TNXB: variants seen among roughly 807,000 people sequenced by gnomAD.
TNXB encodes the protein tenascin XB, also known as tenascin-X.
TNXB carries 183 observed loss-of-function variants against 340.5 expected under a neutral mutation model. That is an observed-to-expected ratio of 0.54 (90% confidence interval 0.48 to 0.61). The LOEUF (loss-of-function observed/expected upper bound fraction) is 0.61. TNXB is among the 20% of genes least tolerant of loss of function. The probability of loss-of-function intolerance (pLI) is 0.00; values close to 1 mark genes in which losing one functional copy is unlikely to be tolerated. For synonymous variants in TNXB, 2,121 were observed against 2,314.5 expected (o/e 0.92, Z 2.40); for missense variants, 4,613 against 5,446.4 (o/e 0.85, Z 4.82).
In TNXB at chr6:32,075,230, C is replaced by T. The variant is rs1022192075; in HGVS notation, c.4376-1278G>A. 6.6e-6 allele frequency among the ~76,000 whole-genome samples: 1 copy of T among 152,208 alleles called. No homozygotes were observed. The highest frequency in any genetic ancestry group is 1.5e-5 in the Non-Finnish European group (1 of 68,038). ...TCTGCAGCCAGAAGGATCCTGTTAACACATTAGCCAGAGCTGGTTCCCGCA... is the reference window on the plus strand; with the variant it reads ...TCTGCAGCCAGAAGGATCCTGTTAATACATTAGCCAGAGCTGGTTCCCGCA... On this transcript the variant is annotated intron_variant, in intron 11 of 43. Transcript: ENST00000644971. The surrounding 1 kb of genome is among the most constrained non-coding windows in gnomAD (Gnocchi z 4.6).
chr6:32,106,199 T>C (rs960221055), intron 1 of TNXB, among the ~76,000 whole-genome samples: 4 of 150,996 alleles, frequency 2.6e-5, no homozygotes, highest in Non-Finnish European at 5.9e-5. Context: ...TACCCAGTTG[T>C]ATGTGTTTGT....
chr6:32,089,800 C>A lies in TNXB; in HGVS notation c.2359-421G>T, dbSNP rs574822566. Reference sequence around the variant, plus strand: ...CCTCTCATGGGCACCCCGTGTTCATCTGCCAGAATTCCACCCAACATGCAC... The same window carrying A: ...CCTCTCATGGGCACCCCGTGTTCATATGCCAGAATTCCACCCAACATGCAC... On this transcript the variant is annotated intron_variant, in intron 4 of 43. Coordinates refer to ENST00000644971, the MANE Select transcript of TNXB (RefSeq NM_001365276.2). The surrounding 1 kb of genome is among the most constrained non-coding windows in gnomAD (Gnocchi z 6.2). Among the ~76,000 whole-genome samples, 1 of 152,322 alleles carries A rather than the reference C, an allele frequency of 6.6e-6. No homozygotes were observed. The highest frequency in any genetic ancestry group is 1.9e-4 in the East Asian group (1 of 5,182).
rs768939801 is a variant in TNXB, at chr6:32,070,430, T to C, written c.4991-16A>G. On this transcript the variant is annotated splice_polypyrimidine_tract_variant and intron_variant, in intron 13 of 43. Coordinates refer to ENST00000644971, the MANE Select transcript of TNXB (RefSeq NM_001365276.2). The surrounding 1 kb of genome is among the most constrained non-coding windows in gnomAD (Gnocchi z 6.0). Reference sequence around the variant, plus strand: ...CCTCGGGCAACTGGAGAGGAAAGGTTCTTGTGTTTATTTTTTCCAAAACGA... The same window carrying C: ...CCTCGGGCAACTGGAGAGGAAAGGTCCTTGTGTTTATTTTTTCCAAAACGA... The C allele has an allele frequency of 2.6e-6, 4 of 1,559,322 alleles. No homozygotes were observed. The Admixed American group carries it at 7.5e-5, about 29-fold the overall frequency.
In TNXB at chr6:32,097,463, G is replaced by A; in HGVS notation, c.404-14C>T. Reference sequence around the variant, plus strand: ...CATCTGTCTGACCTGGAGTAGGAGGGGAGAGGCAAGTCTCAGTCTCTCTCC... The same window carrying A: ...CATCTGTCTGACCTGGAGTAGGAGGAGAGAGGCAAGTCTCAGTCTCTCTCC... On this transcript the variant is annotated splice_polypyrimidine_tract_variant and intron_variant, in intron 2 of 43. Coordinates refer to ENST00000644971, the MANE Select transcript of TNXB (RefSeq NM_001365276.2). The surrounding 1 kb of genome is among the most constrained non-coding windows in gnomAD (Gnocchi z 5.9). 1 of 1,579,416 alleles carries A rather than the reference G, an allele frequency of 6.3e-7. No homozygotes were observed. The highest frequency in any genetic ancestry group is 1.3e-5 in the African/African-American group (1 of 74,616).
rs1582404468 is a variant in TNXB at position 32,068,328 on chromosome 6, C to T, written c.6220+62G>A. 9.5e-6 allele frequency: 15 copies of T among 1,575,468 alleles called. No individual in the cohort carries two copies. The highest frequency in any genetic ancestry group is 8.1e-5 in the African/African-American group (6 of 74,420). On this transcript the variant is annotated intron_variant, in intron 17 of 43. Transcript: ENST00000644971. This position sits in a 1 kb window ranked among gnomAD's most constrained non-coding sequence, Gnocchi z 5.3. ...TTGTCCCATTCCCCACCAGTCATCA[C>T]CAAAGAGCAAGAGGGTGACCCTCCC...
At position 32,056,605 on chromosome 6, in the gene TNXB, G is replaced by C. The variant is rs1777662037; in HGVS notation, c.8124C>G (p.Ile2708Met). ...GFHGGQRVGP[I>M]SVIGVTAAEE... ...ACTCACCCGTCACCCCAATGACAGA[G>C]ATGGGGCCCACGCGCTGGCCACCGT... is the stretch of plus-strand genomic sequence containing the variant. The change falls in exon 23 of 44, where the codon ATC becomes ATG. Residue 2708 changes from isoleucine to methionine, a missense_variant. Ile to Met is a conservative substitution (Grantham distance 10). Transcript: ENST00000644971. 1.2e-6 allele frequency: 2 copies of C among 1,613,056 alleles called. No individual in the cohort carries two copies. Among genetic ancestry groups the C allele is most frequent in the South Asian group, 1.1e-5 (1 of 91,080 alleles).
In TNXB at chr6:32,061,302, A is replaced by G; in HGVS notation, c.7492+95T>C. Reference sequence around the variant, plus strand: ...GAGGGAGGGCAGGACACAGGAGACAAGTCTGGACCCACAGGGCTTGGTGAA... The same window carrying G: ...GAGGGAGGGCAGGACACAGGAGACAGGTCTGGACCCACAGGGCTTGGTGAA... On this transcript the variant is annotated intron_variant, in intron 21 of 43. Coordinates refer to ENST00000644971, the MANE Select transcript of TNXB (RefSeq NM_001365276.2). The surrounding 1 kb of genome is among the most constrained non-coding windows in gnomAD (Gnocchi z 4.4). The G allele has an allele frequency of 6.6e-7, 1 of 1,523,828 alleles. No individual in the cohort carries two copies. Among genetic ancestry groups the G allele is most frequent in the East Asian group, 2.3e-5 (1 of 44,180 alleles). The allele number at this position is 1,523,828 out of a possible 1,614,324, so 94.4% of individuals were successfully genotyped here. A position where few individuals can be genotyped will look rare whatever the true frequency, so the allele number is the denominator to read the frequency against.
At position 32,068,945 on chromosome 6, in the gene TNXB, T is replaced by C. The variant is rs1385899806; in HGVS notation, c.5779A>G (p.Ile1927Val). ...DRDGQLQMVR[I>V]GGDRNDITLS... ...GTGATGTCATTCCGGTCACCTCCTA[T>C]GCGGACCATTTGGAGTTGCCCGTCT... The change falls in exon 16 of 44, where the codon ATA becomes GTA. Residue 1927 changes from isoleucine (I) to valine (V), a missense_variant. Physicochemically the swap from Ile to Val is conservative, Grantham distance 29. Transcript: ENST00000644971. The surrounding 1 kb of genome is among the most constrained non-coding windows in gnomAD (Gnocchi z 5.3). 8.7e-6 allele frequency: 14 copies of C among 1,612,898 alleles called. No homozygotes were observed. The East Asian group carries it at 3.1e-4, about 36-fold the overall frequency.
At position 32,084,395 on chromosome 6, in the gene TNXB, G is replaced by A. The variant is rs1213447347; in HGVS notation, c.3445+18C>T. On this transcript the variant is annotated intron_variant, in intron 8 of 43. Transcript: ENST00000644971. The surrounding 1 kb of genome is among the most constrained non-coding windows in gnomAD (Gnocchi z 5.5). ...TTCAGGGCAGTACAGAGGGCAGGGT[G>A]TTACTGCTGTCACTCACAGATCTTG... 1 of 1,571,204 alleles carries A rather than the reference G, an allele frequency of 6.4e-7. No homozygotes were observed. Among genetic ancestry groups the A allele is most frequent in the Admixed American group, 1.7e-5 (1 of 58,834 alleles).
At position 32,084,513 on chromosome 6, in the gene TNXB, G is replaced by C; in HGVS notation, c.3345C>G (p.Ala1115=). ...GGCCAGGATCCAGGGAGGTGATGAC[G>C]GCCGAGCGCTGGGGTCCTTCCACGG... The part of the protein sequence containing the change: ...VVPVEGPQRS[A]VITSLDPGRK... Residue 1115 remains alanine (A), a synonymous_variant, in exon 8 of 44, where the codon GCC becomes GCG. Coordinates refer to ENST00000644971, the MANE Select transcript of TNXB (RefSeq NM_001365276.2). The surrounding 1 kb of genome is among the most constrained non-coding windows in gnomAD (Gnocchi z 5.5). The C allele has an allele frequency of 2.5e-6, 4 of 1,608,918 alleles. No homozygotes were observed. Among genetic ancestry groups the C allele is most frequent in the Non-Finnish European group, 3.4e-6 (4 of 1,178,472 alleles).
Position 32,049,126 on chromosome 6 carries a change from C to T in TNXB, c.9757+144G>A. ...TGACTCCACACAGTCTCCATGAATC[C>T]AAGGATGAGGCAGGATCATTAGCAA... On this transcript the variant is annotated intron_variant, in intron 28 of 43. Coordinates refer to ENST00000644971, the MANE Select transcript of TNXB (RefSeq NM_001365276.2). The surrounding 1 kb of genome is among the most constrained non-coding windows in gnomAD (Gnocchi z 4.5). The T allele has an allele frequency of 8.0e-7, 1 of 1,242,772 alleles. No homozygotes were observed. The highest frequency in any genetic ancestry group is 1.1e-6 in the Non-Finnish European group (1 of 924,034). The allele number at this position is 1,242,772 out of a possible 1,614,324, so 77.0% of individuals were successfully genotyped here.
chr6:32,104,718 T>C (rs1240303506), intron 1 of TNXB, among the ~76,000 whole-genome samples: 5 of 152,186 alleles, frequency 3.3e-5, no homozygotes, highest in South Asian at 4.2e-4. Flanking sequence ...CGCTGCAGCA[T>C]TGACCTCCTG....
rs1437413765 is a variant in TNXB at position 32,090,483 on chromosome 6, C to T, written c.2359-1104G>A. ...TTGCTGTGCTGTCCAGCTAGGACAG[C>T]CGCTAAGGATGCTGTGTTCTGCCTA... On this transcript the variant is annotated intron_variant, in intron 4 of 43. Coordinates refer to ENST00000644971, the MANE Select transcript of TNXB (RefSeq NM_001365276.2). This position sits in a 1 kb window ranked among gnomAD's most constrained non-coding sequence, Gnocchi z 4.3. Among the ~76,000 whole-genome samples the T allele has an allele frequency of 6.6e-6, 1 of 152,222 alleles. No individual in the cohort carries two copies. The highest frequency in any genetic ancestry group is 1.5e-5 in the Non-Finnish European group (1 of 68,030).
At chr6:32,053,097 G>A in intron 25 of TNXB, 104 bp from the exon 26 acceptor site, 1 of 1,307,978 alleles carries the variant, frequency 7.6e-7, no homozygotes, top group African/African-American at 1.5e-5. Flanking sequence ...GGGTCCTGGG[G>A]TCAGCTTGGA....
intron 25 of TNXB, 124 bp from the exon 26 acceptor site, chr6:32,053,117 CT>C: frequency 8.6e-7 from 1 of 1,169,152 alleles, no homozygotes. Flanking sequence ...AGAGGCCCAT[CT>C]TTGGAGCTGG....
chr6:32,055,900 G>A lies in TNXB; in HGVS notation c.8418C>T (p.Gly2806=). 1 of 1,613,420 alleles carries A rather than the reference G, an allele frequency of 6.2e-7. No homozygotes were observed. The highest frequency in any genetic ancestry group is 8.5e-7 in the Non-Finnish European group (1 of 1,179,822). ...PGRKYKMHLY[G]LHEGRRVGPV... Reference sequence around the variant, plus strand: ...GGCCCACACGCCGCCCCTCGTGGAGGCCGTACAGGTGCATCTTGTATTTGC... The same window carrying A: ...GGCCCACACGCCGCCCCTCGTGGAGACCGTACAGGTGCATCTTGTATTTGC... The change falls in exon 24 of 44, where the codon GGC becomes GGT. Residue 2806 remains glycine, a synonymous_variant. Coordinates refer to ENST00000644971, the MANE Select transcript of TNXB (RefSeq NM_001365276.2).
At chr6:32,095,026 C>T (rs767583287) in intron 4 of TNXB, 50 bp downstream of exon 4, 2 of 1,464,346 alleles carry the variant, frequency 1.4e-6, no homozygotes, top group Non-Finnish European at 1.9e-6. Flanking sequence ...GAGCCCTGCC[C>T]CCCTGTCCTG....
intron 13 of TNXB, 113 bp downstream of exon 13, chr6:32,071,877 G>A: frequency 1.0e-6 from 1 of 961,722 alleles, no homozygotes; most frequent in Non-Finnish European, 1.5e-6. Flanking sequence ...AGCCCCATGT[G>A]GCTTTTCAAA....
intron 24 of TNXB, 64 bp downstream of exon 24, chr6:32,055,787 T>C (rs1777585495): frequency 8.3e-6 from 13 of 1,557,598 alleles, no homozygotes; most frequent in South Asian, 1.2e-5. Context: ...ATATTTTTGT[T>C]TTCATGAAGT....
Sources: allele counts gnomAD v4.1 joint callset (sites outside exome capture counted in the v4.1 genomes callset), GRCh38; gene constraint gnomAD v4.1.1; non-coding constraint Gnocchi (gnomAD v3.1); transcripts MANE v1.5; gene names NCBI Gene and HGNC (gene_info 2026-07-23, HGNC 2026-07-21).